ANKRD44: variants seen among roughly 807,000 people sequenced by gnomAD.
ANKRD44 encodes serine/threonine-protein phosphatase 6 regulatory ankyrin repeat subunit B.
A neutral mutation model predicts 116.0 loss-of-function variants in ANKRD44; 35 were observed. The observed-to-expected ratio is 0.30, with a 90% CI of 0.23 to 0.40. ANKRD44 has a LOEUF of 0.40. Ranked by LOEUF, ANKRD44 falls within the 10% of genes least tolerant of loss-of-function variation. ANKRD44 has a pLI of 1.00. For missense variants in ANKRD44, 1,014 were observed against 1,242.6 expected (o/e 0.82, Z 2.77); for synonymous variants, 435 against 461.8 (o/e 0.94, Z 0.74).
At chr2:197,184,820 ACATCATACATC>A in intron 2 of ANKRD44, among the ~76,000 whole-genome samples, 1 of 152,166 alleles carries the variant, frequency 6.6e-6, no homozygotes, top group East Asian at 1.9e-4. Context: ...TAAACTTCAT[ACATCATACATC>A]CATCATACAT....
intron 3 of ANKRD44, among the ~76,000 whole-genome samples, 185 bp downstream of exon 3, chr2:197,146,842 A>T (rs2079517606): frequency 6.6e-6 from 1 of 152,214 alleles, no homozygotes; most frequent in Admixed American, 6.5e-5. Flanking sequence ...GTTACTGGAG[A>T]AGTCATTTTT....
chr2:197,083,594 A>G, intron 13 of ANKRD44, 85 bp from the exon 14 acceptor site: 1 of 1,466,064 alleles, frequency 6.8e-7, no homozygotes, highest in South Asian at 1.4e-5. Flanking sequence ...CAGTATGCCT[A>G]GGGCATGGAA....
chr2:196,992,530 A>G (rs569623990), intron 27 of ANKRD44: 1 of 152,636 alleles, frequency 6.6e-6, no homozygotes, highest in African/African-American at 2.4e-5. Context: ...AATTTATTCT[A>G]TTCTCTTTGA....
chr2:197,035,583 C>T (rs1319545299), intron 16 of ANKRD44, among the ~76,000 whole-genome samples: 1 of 152,218 alleles, frequency 6.6e-6, no homozygotes, highest in East Asian at 1.9e-4. Flanking sequence ...GCAGTGAAGA[C>T]TGAGAGGACA....
intron 16 of ANKRD44, among the ~76,000 whole-genome samples, chr2:197,044,638 T>C (rs2076969066): frequency 1.3e-5 from 2 of 152,104 alleles, no homozygotes; most frequent in Non-Finnish European, 2.9e-5. Flanking sequence ...GGATTACAGG[T>C]GTGAGCCACC....
chr2:197,285,912 T>A (rs1467456848), intron 1 of ANKRD44, among the ~76,000 whole-genome samples: 1 of 152,218 alleles, frequency 6.6e-6, no homozygotes, highest in African/African-American at 2.4e-5. Flanking sequence ...TCCAGTTTGA[T>A]TGCTAAGTGC....
chr2:197,237,211 T>C (rs1490929302), intron 1 of ANKRD44, among the ~76,000 whole-genome samples: 1 of 152,200 alleles, frequency 6.6e-6, no homozygotes, highest in East Asian at 1.9e-4. Context: ...GTTTCAGTAC[T>C]AGTTACTATA....
chr2:197,240,863 C>G (rs1418175254), intron 1 of ANKRD44, among the ~76,000 whole-genome samples: 1 of 150,850 alleles, frequency 6.6e-6, no homozygotes, highest in African/African-American at 2.4e-5. Context: ...ATTGTCTGCT[C>G]TTTGCAATCA....
At chr2:197,165,247 G>A (rs1251410632) in intron 2 of ANKRD44, among the ~76,000 whole-genome samples, 1 of 152,234 alleles carries the variant, frequency 6.6e-6, no homozygotes, top group East Asian at 1.9e-4. Context: ...AGAGGAAGGA[G>A]AATATGTCCA....
At chr2:196,989,854 G>C (rs909924269) in intron 27 of ANKRD44, 2 of 1,249,232 alleles carry the variant, frequency 1.6e-6, no homozygotes, top group Non-Finnish European at 2.0e-6. Context: ...TGATGATTCT[G>C]ATGTTTTTTA....
Position 197,080,204 on chromosome 2 carries a change from T to C in ANKRD44, c.1539-1390A>G, listed in dbSNP as rs1016239418. ...CAGTTAATAAATTGAATTTGTAATA[T>C]AGCCAAACTATATATACTAACAACA... is the stretch of plus-strand genomic sequence containing the variant. On this transcript the variant is annotated intron_variant, in intron 15 of 27. Transcript: ENST00000282272. Among the ~76,000 whole-genome samples the C allele has an allele frequency of 6.6e-5, 10 of 152,230 alleles. 1 individual carries two copies. The highest frequency in any genetic ancestry group is 2.2e-4 in the African/African-American group (9 of 41,450).
rs2081132774 is a variant in ANKRD44, at chr2:197,203,208, A to G, written c.28-16102T>C. 6.6e-6 allele frequency among the ~76,000 whole-genome samples: 1 copy of G among 152,240 alleles called. No individual in the cohort carries two copies. Among genetic ancestry groups the G allele is most frequent in the Admixed American group, 6.5e-5 (1 of 15,284 alleles). On this transcript the variant is annotated intron_variant, in intron 1 of 27. Transcript: ENST00000282272. The surrounding 1 kb of genome is among the most constrained non-coding windows in gnomAD (Gnocchi z 4.1). ...GTATAAAGATGTTCATAACAACACT[A>G]TTTATGACAGGAAAAATTAAAAGGG...
At chr2:197,283,153 C>T (rs770043305) in intron 1 of ANKRD44, among the ~76,000 whole-genome samples, 1 of 152,162 alleles carries the variant, frequency 6.6e-6, no homozygotes, top group Non-Finnish European at 1.5e-5. Context: ...GTTTCTCTCA[C>T]CAGGATGTGG....
intron 1 of ANKRD44, among the ~76,000 whole-genome samples, chr2:197,223,297 A>G (rs189308408): frequency 6.6e-6 from 1 of 152,320 alleles, no homozygotes; most frequent in East Asian, 1.9e-4. Context: ...TGACATCAGT[A>G]GTTATCAATC....
In ANKRD44 at chr2:197,095,273, C is replaced by G. The variant is rs527592724; in HGVS notation, c.1100+4543G>C. Among the ~76,000 whole-genome samples the G allele has an allele frequency of 2.0e-5, 3 of 152,268 alleles. No individual in the cohort carries two copies. The South Asian group carries it at 6.2e-4, about 32-fold the overall frequency. On this transcript the variant is annotated intron_variant, in intron 10 of 27. Coordinates refer to ENST00000282272, the MANE Select transcript of ANKRD44 (RefSeq NM_001195144.2). ...CAGTGTCCATGTTTGTACTGAGGAT[C>G]ACATTGGTGTTTGTGTAGTACTGGC...
intron 1 of ANKRD44, among the ~76,000 whole-genome samples, chr2:197,281,109 A>C (rs2083251808): frequency 1.3e-5 from 2 of 151,726 alleles, no homozygotes; most frequent in Admixed American, 1.3e-4. Flanking sequence ...GCAGTTCTTC[A>C]ATGTTCTTTG....
intron 4 of ANKRD44, among the ~76,000 whole-genome samples, chr2:197,133,451 T>G (rs539538866): frequency 6.6e-6 from 1 of 152,322 alleles, no homozygotes; most frequent in African/African-American, 2.4e-5. Flanking sequence ...ATAAATATCT[T>G]GCTCTGTATC....
intron 1 of ANKRD44, among the ~76,000 whole-genome samples, chr2:197,244,087 C>T (rs1162651493): frequency 6.6e-6 from 1 of 152,148 alleles, no homozygotes; most frequent in Non-Finnish European, 1.5e-5. Flanking sequence ...AGTATCAAAA[C>T]CAAATACTCC....
intron 6 of ANKRD44, among the ~76,000 whole-genome samples, chr2:197,124,978 GT>G (rs896865722): frequency 1.3e-4 from 20 of 149,400 alleles, no homozygotes; most frequent in African/African-American, 4.9e-4. Context: ...CTTTCTTTTT[GT>G]TTCTTTCAAA....
Sources: gnomAD v4.1 joint callset for allele counts (sites outside exome capture counted in the v4.1 genomes callset) on GRCh38, gnomAD v4.1.1 for gene constraint, Gnocchi (gnomAD v3.1) non-coding constraint, MANE v1.5 for transcripts, NCBI Gene and HGNC (gene_info 2026-07-23, HGNC 2026-07-21) for gene names.